Variants in BCKDHB observed in about 807,000 individuals in gnomAD.
BCKDHB encodes the protein branched chain keto acid dehydrogenase E1 subunit beta, also known as 2-oxoisovalerate dehydrogenase subunit beta, mitochondrial.
A neutral mutation model predicts 48.5 loss-of-function variants in BCKDHB; 41 were observed. That is an observed-to-expected ratio of 0.85 (90% CI 0.66 to 1.10). The LOEUF is 1.10. Among genes scored for constraint, BCKDHB ranks in the 50% least tolerant of loss-of-function variants. The probability of loss-of-function intolerance (pLI) is 0.00; values close to 1 mark genes in which losing one functional copy is unlikely to be tolerated. For missense variants in BCKDHB, 496 were observed against 494.2 expected (o/e 1.00, Z -0.03); for synonymous variants, 201 against 174.8 (o/e 1.15, Z -1.18).
the BCKDHB span, among the ~76,000 whole-genome samples, chr6:80,359,528 T>C: frequency 6.6e-6 from 1 of 152,234 alleles, no homozygotes; most frequent in African/African-American, 2.4e-5. Context: ...ATTATCATTT[T>C]AATGCCACCT....
chr6:80,437,378 C>CT, the BCKDHB span, among the ~76,000 whole-genome samples: 2,478 of 151,952 alleles, frequency 0.016, 63 homozygotes, highest in African/African-American at 0.057. Flanking sequence ...TATCCGCTGC[C>CT]TTTTTTTTGC....
the BCKDHB span, among the ~76,000 whole-genome samples, chr6:80,365,421 C>T: frequency 6.6e-6 from 1 of 152,008 alleles, no homozygotes; most frequent in South Asian, 2.1e-4. Flanking sequence ...GGTCTCCCCC[C>T]AGGAATGCAT....
chr6:80,246,079 A>G (rs79296831), intron 8 of BCKDHB, among the ~76,000 whole-genome samples: 679 of 152,352 alleles, frequency 4.5e-3, no homozygotes, highest in African/African-American at 0.015. Context: ...CTATCTCACT[A>G]AATAAATAAA....
chr6:80,202,246 A>C (rs1289647221), intron 7 of BCKDHB, among the ~76,000 whole-genome samples: 1 of 152,072 alleles, frequency 6.6e-6, no homozygotes, highest in African/African-American at 2.4e-5. Flanking sequence ...TCTGCAAATC[A>C]GTTTCAGACT....
intron 9 of BCKDHB, among the ~76,000 whole-genome samples, chr6:80,322,876 CTTCTTTTTTTTTCTTTT>C (rs1768807342): frequency 7.1e-6 from 1 of 140,998 alleles, no homozygotes; most frequent in Non-Finnish European, 1.5e-5. Flanking sequence ...CCTAATGATT[CTTCTTTTTTTTTCTTTT>C]TTCTTTTTTT....
chr6:80,294,180 C>T (rs577835863), intron 9 of BCKDHB, among the ~76,000 whole-genome samples: 16 of 152,242 alleles, frequency 1.1e-4, no homozygotes, highest in South Asian at 2.1e-4. Flanking sequence ...GCTGGAGCTG[C>T]GGCAGAGGAA....
intron 1 of BCKDHB, among the ~76,000 whole-genome samples, chr6:80,109,939 C>T (rs937546801): frequency 6.6e-6 from 1 of 152,164 alleles, no homozygotes; most frequent in African/African-American, 2.4e-5. Context: ...TGTCTTACTC[C>T]AAAGCCTCCC....
intron 9 of BCKDHB, among the ~76,000 whole-genome samples, chr6:80,340,069 AT>A (rs1769811108): frequency 6.6e-6 from 1 of 152,208 alleles, no homozygotes; most frequent in African/African-American, 2.4e-5. Flanking sequence ...AATATAACTC[AT>A]TTAGCCCATG....
chr6:80,435,723 T>C, the BCKDHB span, among the ~76,000 whole-genome samples: 1 of 152,162 alleles, frequency 6.6e-6, no homozygotes, highest in East Asian at 1.9e-4. Flanking sequence ...CGTGTGTGAG[T>C]TCTGAACCTA....
At chr6:80,405,603 ATTTC>A in the BCKDHB span, among the ~76,000 whole-genome samples, 1 of 149,000 alleles carries the variant, frequency 6.7e-6, no homozygotes, top group Non-Finnish European at 1.5e-5. Flanking sequence ...CCTTTGTTTT[ATTTC>A]TTCTTTTCTT....
At chr6:80,360,099 G>C in the BCKDHB span, among the ~76,000 whole-genome samples, 3 of 152,152 alleles carry the variant, frequency 2.0e-5, no homozygotes, top group Admixed American at 6.5e-5. Flanking sequence ...AAGACATTGG[G>C]GAGGAGGCTC....
chr6:80,106,658 G>C (rs936246321), upstream of BCKDHB: 38 of 1,544,386 alleles, frequency 2.5e-5, no homozygotes, highest in Admixed American at 5.3e-4. Flanking sequence ...GGCGGCGTGC[G>C]GCTGCATAGC....
At chr6:80,300,847 C>G (rs1488754310) in intron 9 of BCKDHB, among the ~76,000 whole-genome samples, 1 of 152,116 alleles carries the variant, frequency 6.6e-6, no homozygotes, top group Non-Finnish European at 1.5e-5. Flanking sequence ...AAATCAATAT[C>G]AAGAAGAGCT....
chr6:80,436,647 C>G, the BCKDHB span, among the ~76,000 whole-genome samples: 12 of 152,080 alleles, frequency 7.9e-5, no homozygotes, highest in African/African-American at 2.2e-4. Flanking sequence ...AATTTTTAAG[C>G]CTTTTCTTTG....
At chr6:80,332,284 C>A (rs887110221) in intron 9 of BCKDHB, among the ~76,000 whole-genome samples, 1 of 152,144 alleles carries the variant, frequency 6.6e-6, no homozygotes, top group Non-Finnish European at 1.5e-5. Flanking sequence ...ACAGTGAGAT[C>A]CTATACTGCA....
chr6:80,421,746 A>G, the BCKDHB span, among the ~76,000 whole-genome samples: 1 of 152,196 alleles, frequency 6.6e-6, no homozygotes, highest in Non-Finnish European at 1.5e-5. Context: ...TGATTAGGGT[A>G]TCTGGTGGAA....
At chr6:80,313,273 C>T (rs1768259517) in intron 9 of BCKDHB, among the ~76,000 whole-genome samples, 1 of 152,052 alleles carries the variant, frequency 6.6e-6, no homozygotes, top group Non-Finnish European at 1.5e-5. Context: ...GTGGTAATAT[C>T]CTGATTATTT....
At chr6:80,146,887 A>G (rs1359284570) in intron 3 of BCKDHB, among the ~76,000 whole-genome samples, 2 of 152,172 alleles carry the variant, frequency 1.3e-5, no homozygotes, top group South Asian at 4.1e-4. Context: ...TGGGAAATGT[A>G]GTCTTTGTTC....
chr6:80,129,719 C>A (rs57985210), intron 3 of BCKDHB, among the ~76,000 whole-genome samples: 12,679 of 152,164 alleles, frequency 0.083, 623 homozygotes, highest in African/African-American at 0.11. Context: ...AACTGGTTGA[C>A]TTGAAACTCA....
Sources: gnomAD v4.1 joint callset for allele counts (sites outside exome capture counted in the v4.1 genomes callset) on GRCh38, gnomAD v4.1.1 for gene constraint, MANE v1.5 for transcripts, NCBI Gene and HGNC (gene_info 2026-07-23, HGNC 2026-07-21) for gene names.